The following DCUN1D4 variants were observed in gnomAD, a reference collection of about 807,000 sequenced individuals.
The protein encoded by DCUN1D4 is DCN1-like protein 4.
In DCUN1D4, 22 loss-of-function variants were observed where a neutral mutation model predicts 47.9. The ratio of observed to expected loss-of-function variants is 0.46; its 90% CI spans 0.33 to 0.66. The LOEUF (loss-of-function observed/expected upper bound fraction) is 0.66, where lower values mean the gene tolerates loss of function less well. DCUN1D4 is among the 30% of genes least tolerant of loss of function. The pLI, the probability that DCUN1D4 is intolerant of heterozygous loss-of-function variation, is 0.02. For missense variants in DCUN1D4, 301 were observed against 340.8 expected (o/e 0.88, Z 0.92); for synonymous variants, 121 against 112.2 (o/e 1.08, Z -0.50).
the DCUN1D4 span, among the ~76,000 whole-genome samples, chr4:51,835,254 C>T: frequency 2.6e-5 from 4 of 152,204 alleles, no homozygotes; most frequent in Admixed American, 6.5e-5. Flanking sequence ...CACTTACTAG[C>T]TGTGTGTCTT....
At chr4:51,866,617 G>A (rs1725972957) in intron 3 of DCUN1D4, among the ~76,000 whole-genome samples, 1 of 151,998 alleles carries the variant, frequency 6.6e-6, no homozygotes, top group Non-Finnish European at 1.5e-5. Flanking sequence ...TTAACTTTTA[G>A]CCACCACTAA....
chr4:51,885,673 A>G (rs1560494433), intron 5 of DCUN1D4, among the ~76,000 whole-genome samples: 1 of 152,200 alleles, frequency 6.6e-6, no homozygotes, highest in Non-Finnish European at 1.5e-5. Flanking sequence ...GAGTATGGTT[A>G]AAATTTCCTA....
chr4:51,882,213 T>TG (rs1728760835), intron 5 of DCUN1D4, among the ~76,000 whole-genome samples: 1 of 152,168 alleles, frequency 6.6e-6, no homozygotes, highest in Non-Finnish European at 1.5e-5. Context: ...CATTAATAAC[T>TG]TACATAACCA....
chr4:51,896,819 C>T (rs1395205619), intron 7 of DCUN1D4, among the ~76,000 whole-genome samples: 5 of 152,162 alleles, frequency 3.3e-5, no homozygotes, highest in Non-Finnish European at 7.3e-5. Flanking sequence ...AGATGCAGCC[C>T]TGATCGTGGT....
chr4:51,892,255 A>C (rs773309131), intron 7 of DCUN1D4, among the ~76,000 whole-genome samples: 7 of 152,218 alleles, frequency 4.6e-5, no homozygotes, highest in African/African-American at 7.2e-5. Flanking sequence ...TCCAACATGT[A>C]ATCAATATTC....
At chr4:51,878,141 T>C (rs1727978843) in intron 5 of DCUN1D4, among the ~76,000 whole-genome samples, 1 of 152,190 alleles carries the variant, frequency 6.6e-6, no homozygotes, top group Non-Finnish European at 1.5e-5. Context: ...ATGCTGATAA[T>C]GGGTGATTAT....
chr4:51,915,756 A>G lies in DCUN1D4; in HGVS notation c.*2172A>G, dbSNP rs1734267385. 6.6e-6 allele frequency: 1 copy of G among 152,610 alleles called. No homozygotes were observed. Among genetic ancestry groups the G allele is most frequent in the Non-Finnish European group, 1.5e-5 (1 of 68,016 alleles). 9.5% of individuals were successfully genotyped at this position (152,610 alleles called of 1,614,324 possible). A position where few individuals can be genotyped will look rare whatever the true frequency, so the allele number is the denominator to read the frequency against. On this transcript the variant is annotated 3_prime_UTR_variant, in exon 11 of 11. Transcript: ENST00000334635. ...AATTCTAAAATGAGAGGATTGTTAC[A>G]GGAGGGAGATGTTACAGTTAATCCA...
intron 1 of DCUN1D4, chr4:51,843,580 G>C (rs1278965730): frequency 3.1e-6 from 4 of 1,282,542 alleles, no homozygotes; most frequent in Non-Finnish European, 3.9e-6. Context: ...GGAGTGTCCG[G>C]GGTGCATGGA....
At chr4:51,840,984 T>A (rs925089722), upstream of DCUN1D4, among the ~76,000 whole-genome samples, 2 of 152,206 alleles carry the variant, frequency 1.3e-5, no homozygotes, top group African/African-American at 4.8e-5. Context: ...ACAGAGGTTG[T>A]ACATTCTATA....
chr4:51,871,132 TAAA>T (rs397954672), intron 3 of DCUN1D4, among the ~76,000 whole-genome samples: 1 of 139,360 alleles, frequency 7.2e-6, no homozygotes, highest in Non-Finnish European at 1.6e-5. Context: ...GTGGAGAGAT[TAAA>T]AAAAAAAAAA....
In DCUN1D4 at chr4:51,912,975, G is replaced by A. The variant is rs948303716; in HGVS notation, c.721-315G>A. Among the ~76,000 whole-genome samples, 5 of 152,218 alleles carry A rather than the reference G, an allele frequency of 3.3e-5. No homozygotes were observed. In the East Asian group the frequency reaches 7.7e-4, roughly 24 times the overall value. ...TTAATTCTTATAATATCTTTATGAAGTAGATATTATCTGCATTTTATATAA... is the reference window on the plus strand; with the variant it reads ...TTAATTCTTATAATATCTTTATGAAATAGATATTATCTGCATTTTATATAA... On this transcript the variant is annotated intron_variant, in intron 9 of 10. Transcript: ENST00000334635.
At chr4:51,906,063 C>A (rs1732844470) in intron 8 of DCUN1D4, among the ~76,000 whole-genome samples, 1 of 152,138 alleles carries the variant, frequency 6.6e-6, no homozygotes, top group Non-Finnish European at 1.5e-5. Context: ...CGCCTTTTCA[C>A]TTCTTGAAAT....
chr4:51,860,684 C>T, intron 1 of DCUN1D4: 1 of 453,762 alleles, frequency 2.2e-6, no homozygotes, highest in Non-Finnish European at 4.4e-6. Flanking sequence ...GTGCCACACA[C>T]TTTTAAATGA....
intron 3 of DCUN1D4, among the ~76,000 whole-genome samples, chr4:51,870,258 G>A (rs1020131403): frequency 2.6e-5 from 4 of 151,598 alleles, no homozygotes; most frequent in African/African-American, 4.8e-5. Context: ...GTTGTAAGTC[G>A]GTGAAGTCTA....
At position 51,916,188 on chromosome 4, in the gene DCUN1D4, A is replaced by G. The variant is rs1451914434; in HGVS notation, c.*2604A>G. On this transcript the variant is annotated 3_prime_UTR_variant, in exon 11 of 11. Transcript: ENST00000334635. ...ATTGTGTTTCGAACTCCACATTGCAATACTCTGTTGTCATGGAATACAACC... is the reference window on the plus strand; with the variant it reads ...ATTGTGTTTCGAACTCCACATTGCAGTACTCTGTTGTCATGGAATACAACC... 1 of 152,080 alleles carries G rather than the reference A, an allele frequency of 6.6e-6. No individual in the cohort carries two copies. The highest frequency in any genetic ancestry group is 2.4e-5 in the African/African-American group (1 of 41,432). The allele number at this position is 152,080 out of a possible 1,614,324, so 9.4% of individuals were successfully genotyped here. A position where few individuals can be genotyped will look rare whatever the true frequency, so the allele number is the denominator to read the frequency against.
Position 51,843,218 on chromosome 4 carries a change from C to T in DCUN1D4, c.-25C>T, listed in dbSNP as rs780350667. ...GAGGCGAGCGCGGGAGCCTGGGCGG[C>T]GAGCCGGGTGTGAGCTGCCTGAAAA... On this transcript the variant is annotated 5_prime_UTR_variant, in exon 1 of 11. Coordinates refer to ENST00000334635, the MANE Select transcript of DCUN1D4 (RefSeq NM_001040402.3). The T allele has an allele frequency of 4.5e-6, 7 of 1,538,730 alleles. No homozygotes were observed. In the South Asian group the frequency reaches 6.0e-5, roughly 13 times the overall value.
At chr4:51,864,194 G>A (rs145750487) in intron 3 of DCUN1D4, among the ~76,000 whole-genome samples, 41 of 152,216 alleles carry the variant, frequency 2.7e-4, no homozygotes, top group African/African-American at 9.9e-4. Context: ...TCACCTGAGG[G>A]AAGGCCTTGT....
At chr4:51,843,293 G>A in intron 1 of DCUN1D4, 26 bp downstream of exon 1, 1 of 1,515,026 alleles carries the variant, frequency 6.6e-7, no homozygotes. Flanking sequence ...CCAGCCAGCG[G>A]GCCGGGGCCG....
intron 8 of DCUN1D4, chr4:51,908,922 C>T (rs1296836917): frequency 2.6e-5 from 12 of 455,990 alleles, no homozygotes; most frequent in East Asian, 2.1e-4. Context: ...TTTGCTAGGC[C>T]GAAGATGGTG....
Sources: gnomAD v4.1 joint callset for allele counts (sites outside exome capture counted in the v4.1 genomes callset) on GRCh38, gnomAD v4.1.1 for gene constraint, MANE v1.5 for transcripts, NCBI Gene and HGNC (gene_info 2026-07-23, HGNC 2026-07-21) for gene names.